The following CYP27B1 variants were observed in gnomAD, a reference collection of about 807,000 sequenced individuals.
CYP27B1 encodes cytochrome P450 family 27 subfamily B member 1.
A neutral mutation model predicts 54.8 loss-of-function variants in CYP27B1; 46 were observed. The observed-to-expected ratio is 0.84, with a 90% CI of 0.66 to 1.07. The LOEUF (loss-of-function observed/expected upper bound fraction) is 1.07, where lower values mean the gene tolerates loss of function less well. CYP27B1 is among the 50% of genes least tolerant of loss of function. The pLI, the probability that CYP27B1 is intolerant of heterozygous loss-of-function variation, is 0.00. For missense variants in CYP27B1, 674 were observed against 692.2 expected, an observed-to-expected ratio of 0.97 and a Z score of 0.30; for synonymous variants, 292 against 297.3, an observed-to-expected ratio of 0.98 and a Z score of 0.18.
chr12:57,765,987 TG>T lies in CYP27B1; in HGVS notation c.386+19del. On this transcript the variant is annotated intron_variant, in intron 2 of 8. Transcript: ENST00000228606. The surrounding 1 kb of genome is among the most constrained non-coding windows in gnomAD (Gnocchi z 5.8). Reference sequence around the variant, plus strand: ...GGCCGCTGCAGGGCGTCTGGGCTTCTGGGGGCAGAGAAGACTCACGCAGTGA... The same window carrying T: ...GGCCGCTGCAGGGCGTCTGGGCTTCTGGGGCAGAGAAGACTCACGCAGTGA... 2.6e-6 allele frequency: 4 copies of T among 1,539,858 alleles called. No individual in the cohort carries two copies. Among genetic ancestry groups the T allele is most frequent in the Non-Finnish European group, 2.6e-6 (3 of 1,146,090 alleles).
chr12:57,764,543 T>C lies in CYP27B1; in HGVS notation c.971A>G (p.Asn324Ser), dbSNP rs765572208. ...LLLAGVDTVS[N>S]TLSWALYELS... ...CTCATACAGAGCCCAAGAGAGCGTG[T>C]TGGACACCTGAAAAACATGTGAAAG... Residue 324 changes from asparagine to serine, a missense_variant, in exon 6 of 9, where the codon AAC (asparagine) becomes AGC (serine). Transcript: ENST00000228606. The C allele has an allele frequency of 1.9e-6, 3 of 1,614,046 alleles. No individual in the cohort carries two copies. The highest frequency in any genetic ancestry group is 1.1e-5 in the South Asian group (1 of 91,074).
rs1419846393 is a variant in CYP27B1 at position 57,762,474 on chromosome 12, G to C, written c.*668C>G. 1 of 155,044 alleles carries C rather than the reference G, an allele frequency of 6.4e-6. No homozygotes were observed. The highest frequency in any genetic ancestry group is 2.4e-5 in the African/African-American group (1 of 41,468). 9.6% of individuals were successfully genotyped at this position (155,044 alleles called of 1,614,324 possible). On this transcript the variant is annotated 3_prime_UTR_variant, in exon 9 of 9. Coordinates refer to ENST00000228606, the MANE Select transcript of CYP27B1 (RefSeq NM_000785.4). ...AGTGATGGGGCAAACCCACTTAATAGTGGCCAGAGAGCAAAGGAGAGTTAT... is the reference window on the plus strand; with the variant it reads ...AGTGATGGGGCAAACCCACTTAATACTGGCCAGAGAGCAAAGGAGAGTTAT...
rs1421963216 is a variant in CYP27B1 at position 57,763,056 on chromosome 12, A to G, written c.*86T>C. The G allele has an allele frequency of 1.1e-6, 1 of 923,114 alleles. No individual in the cohort carries two copies. Among genetic ancestry groups the G allele is most frequent in the Non-Finnish European group, 1.7e-6 (1 of 572,538 alleles). The allele number at this position is 923,114 out of a possible 1,614,324, so 57.2% of individuals were successfully genotyped here. ...GTTTGGTCAGATAGGCATTAGGGGA[A>G]GATGTATACCTTGGTCTTGTGCCTA... On this transcript the variant is annotated 3_prime_UTR_variant, in exon 9 of 9. Coordinates refer to ENST00000228606, the MANE Select transcript of CYP27B1 (RefSeq NM_000785.4).
At chr12:57,763,377 C>T (rs1955334050) in intron 8 of CYP27B1, 122 bp from the exon 9 acceptor site, 6 of 889,560 alleles carry the variant, frequency 6.7e-6, no homozygotes, top group Non-Finnish European at 1.1e-5. Context: ...TTGGGTGGCA[C>T]CTGTGGCCAG....
At position 57,764,933 on chromosome 12, in the gene CYP27B1, G is replaced by A. The variant is rs756226286; in HGVS notation, c.791-7C>T. ...CGCTCCACGTGCCTCTGAGCTGCGT[G>A]GGTAGAAGGCACGTGAATACCTCGC... On this transcript the variant is annotated splice_polypyrimidine_tract_variant and splice_region_variant and intron_variant, in intron 4 of 8. Transcript: ENST00000228606. The A allele has an allele frequency of 6.2e-7, 1 of 1,614,126 alleles. No homozygotes were observed. The highest frequency in any genetic ancestry group is 1.1e-5 in the South Asian group (1 of 91,086).
chr12:57,766,359 T>C (rs1010597447), intron 1 of CYP27B1, 162 bp from the exon 2 acceptor site: 1 of 978,474 alleles, frequency 1.0e-6, no homozygotes, highest in Non-Finnish European at 1.4e-6. Flanking sequence ...ACTCCTCCTC[T>C]CTCATTTCCC....
rs1955326481 is a variant in CYP27B1, at chr12:57,762,405, G to T, written c.*737C>A. 6.6e-6 allele frequency: 1 copy of T among 152,248 alleles called. No individual in the cohort carries two copies. The highest frequency in any genetic ancestry group is 2.4e-5 in the African/African-American group (1 of 41,460). The allele number at this position is 152,248 out of a possible 1,614,324, so 9.4% of individuals were successfully genotyped here. A position where few individuals can be genotyped will look rare whatever the true frequency, so the allele number is the denominator to read the frequency against. On this transcript the variant is annotated 3_prime_UTR_variant, in exon 9 of 9. Transcript: ENST00000228606. Reference sequence around the variant, plus strand: ...AAATTTTCAATATAAAAAGCCAGAGGCCTGGGCAGGGACAGGCCCAAAGAT... The same window carrying T: ...AAATTTTCAATATAAAAAGCCAGAGTCCTGGGCAGGGACAGGCCCAAAGAT...
At position 57,765,507 on chromosome 12, in the gene CYP27B1, G is replaced by A; in HGVS notation, c.387-8C>T. On this transcript the variant is annotated splice_region_variant and splice_polypyrimidine_tract_variant and intron_variant, in intron 2 of 8. Coordinates refer to ENST00000228606, the MANE Select transcript of CYP27B1 (RefSeq NM_000785.4). The surrounding 1 kb of genome is among the most constrained non-coding windows in gnomAD (Gnocchi z 5.8). ...TGCCATTCTTCGCCTTCCCTGCAGG[G>A]TTGAGGAGAGAGTGCGCATCGGGAA... is the stretch of plus-strand genomic sequence containing the variant. The A allele has an allele frequency of 1.9e-6, 3 of 1,605,908 alleles. No individual in the cohort carries two copies. Among genetic ancestry groups the A allele is most frequent in the Non-Finnish European group, 2.5e-6 (3 of 1,176,888 alleles).
chr12:57,762,902 T>C lies in CYP27B1; in HGVS notation c.*240A>G. On this transcript the variant is annotated 3_prime_UTR_variant, in exon 9 of 9. Coordinates refer to ENST00000228606, the MANE Select transcript of CYP27B1 (RefSeq NM_000785.4). ...TCTGATTTCATCCTTGGGGGATGCATACATGATCAGAAGGGCCAAGCAAGC... is the reference window on the plus strand; with the variant it reads ...TCTGATTTCATCCTTGGGGGATGCACACATGATCAGAAGGGCCAAGCAAGC... 3.9e-6 allele frequency: 2 copies of C among 508,910 alleles called. No homozygotes were observed. The highest frequency in any genetic ancestry group is 7.2e-6 in the Non-Finnish European group (2 of 275,870). 31.5% of individuals were successfully genotyped at this position (508,910 alleles called of 1,614,324 possible).
In CYP27B1 at chr12:57,764,871, C is replaced by T; in HGVS notation, c.846G>A (p.Gln282=). 1 of 1,614,212 alleles carries T rather than the reference C, an allele frequency of 6.2e-7. No homozygotes were observed. Among genetic ancestry groups the T allele is most frequent in the Admixed American group, 1.7e-5 (1 of 60,034 alleles). ...EAEAAMRNGG[Q]PEKDLESGAH... The stretch of plus-strand genomic sequence containing the variant: ...CCCCAGACTCCAGGTCCTTCTCGGG[C>T]TGTCCTCCGTTCCTCATGGCTGCCT... Residue 282 remains glutamine (Q), a synonymous_variant, in exon 5 of 9, where the codon CAG becomes CAA. Coordinates refer to ENST00000228606, the MANE Select transcript of CYP27B1 (RefSeq NM_000785.4).
In CYP27B1 at chr12:57,765,190, C is replaced by G; in HGVS notation, c.611G>C (p.Gly204Ala). 1 of 1,613,056 alleles carries G rather than the reference C, an allele frequency of 6.2e-7. No individual in the cohort carries two copies. Among genetic ancestry groups the G allele is most frequent in the Non-Finnish European group, 8.5e-7 (1 of 1,179,644 alleles). Residue 204 changes from glycine (G) to alanine (A), a missense_variant, in exon 4 of 9, where the codon GGC becomes GCC. Coordinates refer to ENST00000228606, the MANE Select transcript of CYP27B1 (RefSeq NM_000785.4). This position sits in a 1 kb window ranked among gnomAD's most constrained non-coding sequence, Gnocchi z 5.8. ...AGCCTCCAGGCAGCCCAAGCGCGAG[C>G]CGAGCAGAACCGCGGCGATGCCTTG... ...GLEGIAAVLL[G>A]SRLGCLEAQV...
chr12:57,762,895 G>C lies in CYP27B1; in HGVS notation c.*247C>G, dbSNP rs780627307. 2.3e-5 allele frequency: 11 copies of C among 487,970 alleles called. No individual in the cohort carries two copies. Among genetic ancestry groups the C allele is most frequent in the African/African-American group, 3.9e-5 (2 of 51,220 alleles). The allele number at this position is 487,970 out of a possible 1,614,324, so 30.2% of individuals were successfully genotyped here. ...GTTAAAATCTGATTTCATCCTTGGG[G>C]GATGCATACATGATCAGAAGGGCCA... On this transcript the variant is annotated 3_prime_UTR_variant, in exon 9 of 9. Transcript: ENST00000228606.
At position 57,762,861 on chromosome 12, in the gene CYP27B1, G is replaced by T. The variant is rs1736900675; in HGVS notation, c.*281C>A. 1 of 415,390 alleles carries T rather than the reference G, an allele frequency of 2.4e-6. No homozygotes were observed. The highest frequency in any genetic ancestry group is 2.1e-5 in the South Asian group (1 of 47,368). 25.7% of individuals were successfully genotyped at this position (415,390 alleles called of 1,614,324 possible). On this transcript the variant is annotated 3_prime_UTR_variant, in exon 9 of 9. Coordinates refer to ENST00000228606, the MANE Select transcript of CYP27B1 (RefSeq NM_000785.4). Reference sequence around the variant, plus strand: ...GTTGAATCTTTCCTCAGGCCATCCAGCATTATTAGTTAAAATCTGATTTCA... The same window carrying T: ...GTTGAATCTTTCCTCAGGCCATCCATCATTATTAGTTAAAATCTGATTTCA...
chr12:57,763,370 G>T, intron 8 of CYP27B1, 115 bp from the exon 9 acceptor site: 1 of 903,102 alleles, frequency 1.1e-6, no homozygotes, highest in South Asian at 1.4e-5. Context: ...TCAATGATTG[G>T]GTGGCACCTG....
At position 57,765,512 on chromosome 12, in the gene CYP27B1, GGA is replaced by G. The variant is rs768660808; in HGVS notation, c.387-15_387-14del. 1.2e-6 allele frequency: 2 copies of G among 1,603,614 alleles called. No homozygotes were observed. Among genetic ancestry groups the G allele is most frequent in the Non-Finnish European group, 8.5e-7 (1 of 1,175,774 alleles). ...TTCTTCGCCTTCCCTGCAGGGTTGA[GGA>G]GAGAGTGCGCATCGGGAAGGTGGGG... On this transcript the variant is annotated splice_polypyrimidine_tract_variant and intron_variant, in intron 2 of 8. Coordinates refer to ENST00000228606, the MANE Select transcript of CYP27B1 (RefSeq NM_000785.4). The surrounding 1 kb of genome is among the most constrained non-coding windows in gnomAD (Gnocchi z 5.8).
chr12:57,765,784 T>A lies in CYP27B1; in HGVS notation c.386+223A>T, dbSNP rs1955354943. The A allele has an allele frequency of 3.3e-6, 3 of 911,726 alleles. No individual in the cohort carries two copies. The South Asian group carries it at 5.2e-5, about 16-fold the overall frequency. The allele number at this position is 911,726 out of a possible 1,614,324, so 56.5% of individuals were successfully genotyped here. ...AGCCCAATTCCTCCGGTTCCCCCAG[T>A]TCCCAGGATTCGGGCCTCAAAGGAT... On this transcript the variant is annotated intron_variant, in intron 2 of 8. Coordinates refer to ENST00000228606, the MANE Select transcript of CYP27B1 (RefSeq NM_000785.4). The surrounding 1 kb of genome is among the most constrained non-coding windows in gnomAD (Gnocchi z 5.8).
Position 57,763,756 on chromosome 12 carries a change from G to A in CYP27B1, c.1268C>T (p.Pro423Leu), listed in dbSNP as rs773986669. Residue 423 changes from proline (P) to leucine (L), a missense_variant, in exon 8 of 9, where the codon CCA becomes CTA. By Grantham distance (98) the Pro-to-Leu change is moderately conservative (BLOSUM62 -3). Transcript: ENST00000228606. ...AGCTGGACGAAAAGAATTTGGCTCT[G>A]GGAACTGGGCAGGGTCCCTTGAAGT... ...YATSRDPAQF[P>L]EPNSFRPARW... is the part of the protein sequence containing the mutation. 3.1e-6 allele frequency: 5 copies of A among 1,614,180 alleles called. No homozygotes were observed. Among genetic ancestry groups the A allele is most frequent in the Non-Finnish European group, 4.2e-6 (5 of 1,180,000 alleles).
chr12:57,767,005 G>A lies in CYP27B1; in HGVS notation c.37C>T (p.His13Tyr). 2 of 1,614,242 alleles carry A rather than the reference G, an allele frequency of 1.2e-6. No individual in the cohort carries two copies. Among genetic ancestry groups the A allele is most frequent in the South Asian group, 2.2e-5 (2 of 91,082 alleles). ...AACTCGGGCGCCCAGCGGACGCGAT[G>A]GAACACTCTGGAGGCGTACTTGAGG... The part of the protein sequence containing the change: ...QTLKYASRVF[H>Y]RVRWAPELGA... The change falls in exon 1 of 9, where the codon CAT becomes TAT. Residue 13 changes from histidine (H) to tyrosine (Y), a missense_variant. His to Tyr is a moderately conservative substitution (Grantham distance 83, BLOSUM62 2). Coordinates refer to ENST00000228606, the MANE Select transcript of CYP27B1 (RefSeq NM_000785.4).
At chr12:57,764,283 C>T in intron 6 of CYP27B1, 95 bp downstream of exon 6, 2 of 1,573,568 alleles carry the variant, frequency 1.3e-6, no homozygotes, top group Non-Finnish European at 8.7e-7. Flanking sequence ...AGTAGAGGGC[C>T]ATTTTTCTCT....
Sources: gnomAD v4.1 joint callset for allele counts on GRCh38, gnomAD v4.1.1 for gene constraint, Gnocchi (gnomAD v3.1) non-coding constraint, MANE v1.5 for transcripts, NCBI Gene and HGNC (gene_info 2026-07-23, HGNC 2026-07-21) for gene names.